OARD1: variants seen among roughly 807,000 people sequenced by gnomAD.
OARD1 encodes O-acyl-ADP-ribose deacylase 1.
In OARD1, 19 loss-of-function variants were observed where a neutral mutation model predicts 19.7. The observed-to-expected ratio is 0.96, with a 90% CI of 0.67 to 1.41. The LOEUF (loss-of-function observed/expected upper bound fraction) is 1.41, where lower values mean the gene tolerates loss of function less well. Ranked by LOEUF, OARD1 falls within the 40% of genes most tolerant of loss-of-function variation. OARD1 has a pLI of 0.00. For synonymous variants in OARD1, 70 were observed against 61.8 expected (o/e 1.13, Z -0.62); for missense variants, 190 against 183.8 (o/e 1.03, Z -0.20).
At chr6:41,070,225 C>G (rs1376501135) in intron 3 of OARD1, 91 bp from the exon 4 acceptor site, 11 of 758,868 alleles carry the variant, frequency 1.4e-5, no homozygotes, top group Non-Finnish European at 2.5e-5. Context: ...CTGAGTTTAC[C>G]TCAGAACTAG....
rs138048940 is a variant in OARD1 at position 41,067,568 on chromosome 6, T to C, written c.357-131A>G. 116 of 604,932 alleles carry C rather than the reference T, an allele frequency of 1.9e-4. No individual in the cohort carries two copies. The East Asian group carries it at 3.4e-3, about 17-fold the overall frequency. The allele number at this position is 604,932 out of a possible 1,614,324, so 37.5% of individuals were successfully genotyped here. Reference sequence around the variant, plus strand: ...CTGACACCCTTATGGGCAACCATGGTAGGAGTTTGGAAGTCAATTCTTGTT... The same window carrying C: ...CTGACACCCTTATGGGCAACCATGGCAGGAGTTTGGAAGTCAATTCTTGTT... On this transcript the variant is annotated intron_variant, in intron 5 of 5. Transcript: ENST00000424266.
Position 41,068,930 on chromosome 6 carries a change from G to C in OARD1, c.267C>G (p.His89Gln). 1 of 1,604,164 alleles carries C rather than the reference G, an allele frequency of 6.2e-7. No homozygotes were observed. The highest frequency in any genetic ancestry group is 8.5e-7 in the Non-Finnish European group (1 of 1,173,836). ...YYLITKKRASHKPTYENLQKS... is the reference protein window; with the variant it reads ...YYLITKKRASQKPTYENLQKS... ...TCTGTAAGTTTTCATAAGTTGGCTTGTGCGAAGCCCTTTTCTTTGTAATCT... is the reference window on the plus strand; with the variant it reads ...TCTGTAAGTTTTCATAAGTTGGCTTCTGCGAAGCCCTTTTCTTTGTAATCT... The change falls in exon 5 of 6, where the codon CAC becomes CAG. Residue 89 changes from histidine to glutamine, a missense_variant. Coordinates refer to ENST00000424266, the MANE Select transcript of OARD1 (RefSeq NM_001329686.2).
At chr6:41,086,272 G>T (rs184423517) in intron 1 of OARD1, among the ~76,000 whole-genome samples, 117 of 152,086 alleles carry the variant, frequency 7.7e-4, no homozygotes, top group African/African-American at 2.8e-3. Flanking sequence ...TTTAATTGTC[G>T]GTTTGCTCAT....
At chr6:41,069,799 C>T in intron 4 of OARD1, 1 of 436,054 alleles carries the variant, frequency 2.3e-6, no homozygotes, top group Non-Finnish European at 4.1e-6. Flanking sequence ...GCAGGCATTC[C>T]TAACTTTTGC....
chr6:41,072,982 G>C (rs1251620490), upstream of OARD1: 10 of 155,054 alleles, frequency 6.4e-5, no homozygotes, highest in East Asian at 1.9e-3. Context: ...TTGCTAGGCA[G>C]CGGCAGTGGC....
upstream of OARD1, among the ~76,000 whole-genome samples, chr6:41,077,551 A>G (rs921051535): frequency 6.6e-6 from 1 of 152,186 alleles, no homozygotes; most frequent in Non-Finnish European, 1.5e-5. Context: ...TGTATTGTGT[A>G]TTAGAGACAA....
Position 41,067,271 on chromosome 6 carries a change from C to T in OARD1, c.*64G>A, listed in dbSNP as rs960104768. 2.9e-6 allele frequency: 3 copies of T among 1,020,056 alleles called. No individual in the cohort carries two copies. Among genetic ancestry groups the T allele is most frequent in the Non-Finnish European group, 4.5e-6 (3 of 668,258 alleles). 63.2% of individuals were successfully genotyped at this position (1,020,056 alleles called of 1,614,324 possible). A position where few individuals can be genotyped will look rare whatever the true frequency, so the allele number is the denominator to read the frequency against. ...TCTGCCTATTTTAAGGTAGGTTTGCCCGGTCCTATGGCCCAGTAGAGATGA... is the reference window on the plus strand; with the variant it reads ...TCTGCCTATTTTAAGGTAGGTTTGCTCGGTCCTATGGCCCAGTAGAGATGA... On this transcript the variant is annotated 3_prime_UTR_variant, in exon 6 of 6. Transcript: ENST00000424266.
intron 1 of OARD1, among the ~76,000 whole-genome samples, chr6:41,082,896 TC>T (rs993544021): frequency 2.0e-5 from 3 of 152,174 alleles, no homozygotes; most frequent in African/African-American, 7.2e-5. Flanking sequence ...ATTTCAATGT[TC>T]CTGGTGATTC....
At chr6:41,078,411 C>T (rs1181047087) in intron 1 of OARD1, among the ~76,000 whole-genome samples, 1 of 152,176 alleles carries the variant, frequency 6.6e-6, no homozygotes, top group Non-Finnish European at 1.5e-5. Flanking sequence ...GAGAGAAAGA[C>T]CTATCTACAT....
rs933706235 is a variant in OARD1, at chr6:41,065,163, C to T, written c.*2172G>A. ...CCCAGAATTCCACTTACAGCCAATC[C>T]TGAATGAGACTAGGTTTTGTCTAAA... On this transcript the variant is annotated 3_prime_UTR_variant, in exon 6 of 6. Transcript: ENST00000424266. 3.3e-5 allele frequency: 5 copies of T among 152,200 alleles called. No individual in the cohort carries two copies. The South Asian group carries it at 1.0e-3, about 32-fold the overall frequency. 9.4% of individuals were successfully genotyped at this position (152,200 alleles called of 1,614,324 possible).
intron 1 of OARD1, among the ~76,000 whole-genome samples, chr6:41,087,552 A>G (rs1226826345): frequency 6.6e-6 from 1 of 152,250 alleles, no homozygotes; most frequent in Non-Finnish European, 1.5e-5. Context: ...GCAATGCTCA[A>G]ATAAAAAAAG....
At chr6:41,088,421 T>TC (rs1361049021) in intron 1 of OARD1, among the ~76,000 whole-genome samples, 1 of 61,524 alleles carries the variant, frequency 1.6e-5, no homozygotes, top group Non-Finnish European at 2.8e-5. Flanking sequence ...ACACTCCGTC[T>TC]CCAAAAAAAA....
At chr6:41,090,109 G>C in intron 1 of OARD1, 1 of 822,388 alleles carries the variant, frequency 1.2e-6, no homozygotes, top group East Asian at 2.7e-5. Context: ...GTGAGACTCT[G>C]TCTCAAAAAA....
At chr6:41,069,882 T>C in intron 4 of OARD1, 194 bp downstream of exon 4, 1 of 646,334 alleles carries the variant, frequency 1.5e-6, no homozygotes, top group Non-Finnish European at 2.8e-6. Flanking sequence ...TCACATTTCT[T>C]TCTAACCCAG....
chr6:41,094,095 T>A (rs1029081518), intron 1 of OARD1, among the ~76,000 whole-genome samples: 1 of 152,146 alleles, frequency 6.6e-6, no homozygotes, highest in Non-Finnish European at 1.5e-5. Flanking sequence ...CAAACGAAAT[T>A]TGGCCTGTTA....
At chr6:41,077,303 C>A (rs1763762777), upstream of OARD1, among the ~76,000 whole-genome samples, 1 of 152,052 alleles carries the variant, frequency 6.6e-6, no homozygotes, top group African/African-American at 2.4e-5. Context: ...AATTTGTACA[C>A]CTGTGCAACT....
chr6:41,075,466 T>C (rs977900330), upstream of OARD1: 3 of 151,710 alleles, frequency 2.0e-5, no homozygotes, highest in African/African-American at 7.3e-5. Context: ...GGTAACTTTT[T>C]TGCTAAATAC....
At chr6:41,074,848 G>C (rs1763690291), upstream of OARD1, among the ~76,000 whole-genome samples, 1 of 152,150 alleles carries the variant, frequency 6.6e-6, no homozygotes, top group Non-Finnish European at 1.5e-5. Flanking sequence ...AGTTCTTTGG[G>C]GATGAAGAGG....
rs375505982 is a variant in OARD1 at position 41,068,933 on chromosome 6, C to T, written c.264G>A (p.Ser88=). Residue 88 remains serine (S), a synonymous_variant, in exon 5 of 6, where the codon TCG becomes TCA. Coordinates refer to ENST00000424266, the MANE Select transcript of OARD1 (RefSeq NM_001329686.2). ...IYYLITKKRA[S]HKPTYENLQK... The stretch of plus-strand genomic sequence containing the variant: ...GTAAGTTTTCATAAGTTGGCTTGTG[C>T]GAAGCCCTTTTCTTTGTAATCTGAA... 6.7e-5 allele frequency: 107 copies of T among 1,602,188 alleles called. 1 individual carries two copies. In the Middle Eastern group the frequency reaches 2.8e-3, roughly 42 times the overall value.
Sources: gnomAD v4.1 joint callset for allele counts (sites outside exome capture counted in the v4.1 genomes callset) on GRCh38, gnomAD v4.1.1 for gene constraint, MANE v1.5 for transcripts, NCBI Gene and HGNC (gene_info 2026-07-23, HGNC 2026-07-21) for gene names.